The following ZNF322 variants were observed in gnomAD, a reference collection of about 807,000 sequenced individuals.
ZNF322 encodes zinc finger protein 322.
ZNF322 carries 1 observed loss-of-function variant against 18.3 expected under a neutral mutation model. That is an observed-to-expected ratio of 0.05 (90% CI 0.02 to 0.26). The LOEUF is 0.26. ZNF322 is among the 10% of genes least tolerant of loss of function. The pLI is 1.00. For synonymous variants in ZNF322, 17 were observed against 130.7 expected (o/e 0.13, Z 5.93); for missense variants, 36 against 403.6 (o/e 0.09, Z 7.80).
At chr6:26,645,032 T>G (rs1314447697) in intron 2 of ZNF322, among the ~76,000 whole-genome samples, 1 of 152,156 alleles carries the variant, frequency 6.6e-6, no homozygotes, top group Non-Finnish European at 1.5e-5. Flanking sequence ...TTCACATTGT[T>G]CAGCTCCCAC....
At chr6:26,652,457 G>A (rs1765688001) in intron 2 of ZNF322, among the ~76,000 whole-genome samples, 1 of 152,216 alleles carries the variant, frequency 6.6e-6, no homozygotes, top group African/African-American at 2.4e-5. Context: ...GGGAGGCTGA[G>A]GCGGGTGGAT....
intron 3 of ZNF322, among the ~76,000 whole-genome samples, chr6:26,640,809 G>A (rs1756115319): frequency 6.6e-6 from 1 of 152,122 alleles, no homozygotes; most frequent in Non-Finnish European, 1.5e-5. Context: ...AACTTTGACT[G>A]CAAAATGTAC....
chr6:26,643,124 T>C (rs1481978802), intron 3 of ZNF322, among the ~76,000 whole-genome samples: 1 of 152,272 alleles, frequency 6.6e-6, no homozygotes, highest in African/African-American at 2.4e-5. Context: ...CCAGCCGCAA[T>C]GGCTTCCTAG....
intron 2 of ZNF322, among the ~76,000 whole-genome samples, chr6:26,656,334 T>C (rs1318872671): frequency 6.6e-6 from 1 of 152,212 alleles, no homozygotes; most frequent in Non-Finnish European, 1.5e-5. Context: ...ACAAAGACAC[T>C]GCCGGTACTA....
rs2494706 is a variant in ZNF322 at position 26,643,651 on chromosome 6, C to T, written c.-176+8G>A. The T allele has an allele frequency of 0.63, 101,102 of 159,340 alleles. 32,615 individuals carry two copies. The highest frequency in any genetic ancestry group is 0.78 in the East Asian group (4,047 of 5,158). 9.9% of individuals were successfully genotyped at this position (159,340 alleles called of 1,614,324 possible). On this transcript the variant is annotated splice_region_variant and intron_variant, in intron 3 of 3. Coordinates refer to ENST00000415922, the MANE Select transcript of ZNF322 (RefSeq NM_024639.5). ...ATACTTCAAAATACTGAAGTAACTG[C>T]AGCTTACCTAGAATCCAGATGGAAG... is the stretch of plus-strand genomic sequence containing the variant.
intron 2 of ZNF322, among the ~76,000 whole-genome samples, chr6:26,645,504 A>G (rs1280861509): frequency 6.6e-6 from 1 of 152,144 alleles, no homozygotes; most frequent in Non-Finnish European, 1.5e-5. Flanking sequence ...GTTCAATACT[A>G]TCTGCAGTTT....
chr6:26,634,530 G>C lies in ZNF322; in HGVS notation c.*2815C>G, dbSNP rs1765321489. On this transcript the variant is annotated 3_prime_UTR_variant, in exon 4 of 4. Coordinates refer to ENST00000415922, the MANE Select transcript of ZNF322 (RefSeq NM_024639.5). The stretch of plus-strand genomic sequence containing the variant: ...TAACTACTTACCTGAGGTAGATTTA[G>C]GTTGGCACTGCTTCAAGGGAACCTC... 1 of 136,770 alleles carries C rather than the reference G, an allele frequency of 7.3e-6. No individual in the cohort carries two copies. The highest frequency in any genetic ancestry group is 2.6e-4 in the South Asian group (1 of 3,818). 8.5% of individuals were successfully genotyped at this position (136,770 alleles called of 1,614,324 possible). A position where few individuals can be genotyped will look rare whatever the true frequency, so the allele number is the denominator to read the frequency against.
chr6:26,658,677 AC>A (rs1176015503), intron 1 of ZNF322, 31 bp from the exon 2 acceptor site: 2 of 165,496 alleles, frequency 1.2e-5, no homozygotes, highest in Non-Finnish European at 2.9e-5. Context: ...GTAGACGATG[AC>A]CTTGTGAAAT....
chr6:26,641,737 C>T lies in ZNF322; in HGVS notation c.-176+1922G>A, dbSNP rs530382534. On this transcript the variant is annotated intron_variant, in intron 3 of 3. Coordinates refer to ENST00000415922, the MANE Select transcript of ZNF322 (RefSeq NM_024639.5). ...TGCAAGCAGTATGCTTGGTAAAAGT[C>T]ATTGCTATTCTCCAGTCTCAAGTAC... 2.0e-5 allele frequency among the ~76,000 whole-genome samples: 3 copies of T among 152,268 alleles called. No homozygotes were observed. In the East Asian group the frequency reaches 5.8e-4, roughly 29 times the overall value.
intron 2 of ZNF322, among the ~76,000 whole-genome samples, chr6:26,651,663 T>C (rs1765671670): frequency 6.6e-6 from 1 of 152,178 alleles, no homozygotes; most frequent in African/African-American, 2.4e-5. Context: ...GTCCACAATG[T>C]ATACATATAT....
At chr6:26,639,827 A>T (rs1765436241) in intron 3 of ZNF322, among the ~76,000 whole-genome samples, 1 of 152,130 alleles carries the variant, frequency 6.6e-6, no homozygotes, top group East Asian at 1.9e-4. Flanking sequence ...AGCAAGCAAA[A>T]CAACAACACA....
chr6:26,653,901 G>C (rs1765717201), intron 2 of ZNF322, among the ~76,000 whole-genome samples: 2 of 152,034 alleles, frequency 1.3e-5, no homozygotes, highest in South Asian at 4.2e-4. Flanking sequence ...CAAGATGGAA[G>C]AGAAAAGCAT....
intron 2 of ZNF322, among the ~76,000 whole-genome samples, chr6:26,649,675 G>GTGTA (rs1465971500): frequency 4.8e-4 from 11 of 22,956 alleles, no homozygotes; most frequent in African/African-American, 1.1e-3. Flanking sequence ...GTGTGTGTGT[G>GTGTA]TATATATATA....
At chr6:26,647,543 ATAAATATGAT>A (rs540090113) in intron 2 of ZNF322, among the ~76,000 whole-genome samples, 286 of 152,272 alleles carry the variant, frequency 1.9e-3, no homozygotes, top group African/African-American at 6.1e-3. Context: ...CTCTATATAA[ATAAATATGAT>A]TAACTATAAA....
chr6:26,638,692 A>G lies in ZNF322; in HGVS notation c.-139T>C, dbSNP rs534643598. On this transcript the variant is annotated 5_prime_UTR_variant, in exon 4 of 4. An upstream start codon of the reference 5' UTR is lost. Transcript: ENST00000415922. ...TCATGAGCCTCTACAAGTTTCCAGC[A>G]TCATATATGTTAATTCCTTACTTGG... 162 of 914,544 alleles carry G rather than the reference A, an allele frequency of 1.8e-4. No individual in the cohort carries two copies. The South Asian group carries it at 2.5e-3, about 14-fold the overall frequency. 56.7% of individuals were successfully genotyped at this position (914,544 alleles called of 1,614,324 possible).
intron 2 of ZNF322, among the ~76,000 whole-genome samples, chr6:26,653,244 GAAAC>G (rs569209589): frequency 3.4e-4 from 52 of 152,288 alleles, no homozygotes; most frequent in East Asian, 1.9e-3. Flanking sequence ...ACACTGTAAG[GAAAC>G]AAACAAACTC....
At chr6:26,656,725 G>C (rs1765778470) in intron 2 of ZNF322, among the ~76,000 whole-genome samples, 2 of 152,070 alleles carry the variant, frequency 1.3e-5, no homozygotes, top group Admixed American at 1.3e-4. Flanking sequence ...AAGGAGAATA[G>C]AGTGAAAATA....
rs782587089 is a variant in ZNF322 at position 26,647,580 on chromosome 6, GA to G, written c.-245-3853del. ...AACTATAAAATAAGGGTTTCTTTAT[GA>G]AACACAATTTATTAGAGTTGACTCC... On this transcript the variant is annotated intron_variant, in intron 2 of 3. Coordinates refer to ENST00000415922, the MANE Select transcript of ZNF322 (RefSeq NM_024639.5). Among the ~76,000 whole-genome samples the G allele has an allele frequency of 1.6e-3, 236 of 152,068 alleles. 3 individuals carry two copies. The highest frequency in any genetic ancestry group is 4.8e-3 in the Admixed American group (74 of 15,274).
At chr6:26,653,446 G>A (rs969305173) in intron 2 of ZNF322, among the ~76,000 whole-genome samples, 4 of 152,076 alleles carry the variant, frequency 2.6e-5, no homozygotes, top group African/African-American at 7.2e-5. Flanking sequence ...TGTTTGTAAC[G>A]GGAAAATATT....
Sources: gnomAD v4.1 joint callset for allele counts (sites outside exome capture counted in the v4.1 genomes callset) on GRCh38, gnomAD v4.1.1 for gene constraint, MANE v1.5 for transcripts, NCBI Gene and HGNC (gene_info 2026-07-23, HGNC 2026-07-21) for gene names.